Variants in DHRS12 observed in about 807,000 individuals in gnomAD.
DHRS12 encodes dehydrogenase/reductase SDR family member 12.
DHRS12 carries 29 observed loss-of-function variants against 32.1 expected under a neutral mutation model. The observed-to-expected ratio is 0.90, with a 90% CI of 0.67 to 1.23. The LOEUF (loss-of-function observed/expected upper bound fraction) is 1.23, where lower values mean the gene tolerates loss of function less well. DHRS12 is among the 50% of genes most tolerant of loss of function. The pLI is 0.00. For missense variants in DHRS12, 330 were observed against 337.2 expected (o/e 0.98, Z 0.17); for synonymous variants, 150 against 135.9 (o/e 1.10, Z -0.72).
In DHRS12 at chr13:51,792,003, T is replaced by C. The variant is rs1349845763; in HGVS notation, c.127-746A>G. On this transcript the variant is annotated intron_variant, in intron 2 of 8. Transcript: ENST00000444610. The stretch of plus-strand genomic sequence containing the variant: ...TTTTCTTTGTCCATTCTTCTGTCGA[T>C]GGACATTTAAGTTGTTTCCACATCT... 2.6e-5 allele frequency among the ~76,000 whole-genome samples: 4 copies of C among 152,266 alleles called. No homozygotes were observed. In the South Asian group the frequency reaches 6.2e-4, roughly 24 times the overall value.
chr13:51,777,149 G>A, intron 4 of DHRS12, 28 bp from the exon 5 acceptor site: 2 of 1,613,552 alleles, frequency 1.2e-6, no homozygotes, highest in East Asian at 2.2e-5. Flanking sequence ...ATCCCATGAG[G>A]GGGCTGCAGG....
At chr13:51,795,803 C>T (rs111504159) in intron 2 of DHRS12, among the ~76,000 whole-genome samples, 71 of 152,266 alleles carry the variant, frequency 4.7e-4, no homozygotes, top group African/African-American at 1.6e-3. Context: ...CTGCCATTGG[C>T]CAAACCCAGC....
At chr13:51,798,272 G>A (rs546658453) in intron 2 of DHRS12, among the ~76,000 whole-genome samples, 2 of 152,290 alleles carry the variant, frequency 1.3e-5, no homozygotes, top group Admixed American at 1.3e-4. Flanking sequence ...TAAAGATCTA[G>A]GCGATAGGCC....
At chr13:51,754,885 C>T in the DHRS12 span, among the ~76,000 whole-genome samples, 1 of 151,982 alleles carries the variant, frequency 6.6e-6, no homozygotes, top group Non-Finnish European at 1.5e-5. Flanking sequence ...TTTGTTTTTA[C>T]TACATAATTT....
chr13:51,771,636 CTG>C (rs748135203), intron 7 of DHRS12, 183 bp downstream of exon 7: 183 of 1,438,812 alleles, frequency 1.3e-4, no homozygotes, highest in Non-Finnish European at 1.6e-4. Context: ...AGCAAAAGCT[CTG>C]TGTCTGTATG....
the DHRS12 span, among the ~76,000 whole-genome samples, chr13:51,757,823 T>C: frequency 6.0e-5 from 9 of 149,356 alleles, no homozygotes; most frequent in African/African-American, 2.3e-4. Context: ...CACTTAGTAC[T>C]ATCTTGGTCC....
intron 2 of DHRS12, chr13:51,797,727 G>T: frequency 1.6e-6 from 2 of 1,236,580 alleles, no homozygotes; most frequent in South Asian, 1.4e-5. Flanking sequence ...CACAAACACA[G>T]GCCCTCTTCA....
intron 4 of DHRS12, chr13:51,789,787 C>T (rs1955177666): frequency 2.0e-6 from 2 of 985,198 alleles, no homozygotes; most frequent in African/African-American, 3.5e-5. Context: ...GGAAAAAAAA[C>T]ACTTCAATAC....
chr13:51,755,394 T>C, the DHRS12 span: 2 of 1,614,178 alleles, frequency 1.2e-6, no homozygotes, highest in Admixed American at 3.3e-5. Context: ...CTGCCAAAAG[T>C]GTGATCAGCC....
At position 51,785,953 on chromosome 13, in the gene DHRS12, A is replaced by C. The variant is rs572429257; in HGVS notation, c.301+4058T>G. Among the ~76,000 whole-genome samples the C allele has an allele frequency of 1.7e-4, 26 of 152,350 alleles. 1 individual carries two copies. Among genetic ancestry groups the C allele is most frequent in the African/African-American group, 5.8e-4 (24 of 41,586 alleles). On this transcript the variant is annotated intron_variant, in intron 4 of 8. Coordinates refer to ENST00000444610, the MANE Select transcript of DHRS12 (RefSeq NM_001377533.1). ...GTTATGAGACTGAATGAGAGAATCCAAGAAAAGCCTTCAGTGCAGCCTGCA... is the reference window on the plus strand; with the variant it reads ...GTTATGAGACTGAATGAGAGAATCCCAGAAAAGCCTTCAGTGCAGCCTGCA...
Position 51,799,631 on chromosome 13 carries a change from A to G in DHRS12, c.29T>C (p.Leu10Pro). MNLHVKTLS[L>P]MTWRSRFLEE... ...CAGGAATCTGGACCTCCAAGTCATG[A>G]GGGACAAAGTCTTTACATGCAGATT... The change falls in exon 2 of 9, where the codon CTC becomes CCC. Residue 10 changes from leucine to proline, a missense_variant. By Grantham distance (98) the Leu-to-Pro change is moderately conservative. Transcript: ENST00000444610. 6.2e-7 allele frequency: 1 copy of G among 1,614,134 alleles called. No homozygotes were observed. Among genetic ancestry groups the G allele is most frequent in the Non-Finnish European group, 8.5e-7 (1 of 1,180,018 alleles).
intron 7 of DHRS12, 151 bp downstream of exon 7, chr13:51,771,670 C>T: frequency 7.6e-7 from 1 of 1,319,504 alleles, no homozygotes; most frequent in Non-Finnish European, 1.1e-6. Context: ...AGCTGCAGTC[C>T]CAACGCGCCC....
At chr13:51,786,596 C>A (rs1345531703) in intron 4 of DHRS12, among the ~76,000 whole-genome samples, 1 of 152,174 alleles carries the variant, frequency 6.6e-6, no homozygotes, top group Admixed American at 6.5e-5. Context: ...TCTCTCCAGG[C>A]CCCACCCGCC....
At chr13:51,784,269 G>A (rs1027224880) in intron 4 of DHRS12, among the ~76,000 whole-genome samples, 1 of 152,218 alleles carries the variant, frequency 6.6e-6, no homozygotes, top group African/African-American at 2.4e-5. Context: ...GGCACACAGA[G>A]GGGTCCATGG....
intron 5 of DHRS12, chr13:51,774,417 TCC>T (rs1372408889): frequency 2.1e-5 from 3 of 144,704 alleles, no homozygotes; most frequent in African/African-American, 5.2e-5. Flanking sequence ...TACAGTATTC[TCC>T]TACAGTATTC....
rs1322572157 is a variant in DHRS12 at position 51,804,120 on chromosome 13, C to G, written c.-75G>C. 6.7e-7 allele frequency: 1 copy of G among 1,481,988 alleles called. No homozygotes were observed. The highest frequency in any genetic ancestry group is 8.9e-7 in the Non-Finnish European group (1 of 1,121,304). 91.8% of individuals were successfully genotyped at this position (1,481,988 alleles called of 1,614,324 possible). Reference sequence around the variant, plus strand: ...GCGGTACAGGGACATGCCGGGAGCGCCCCACGCCTAGCCCCACCGCGCTCC... The same window carrying G: ...GCGGTACAGGGACATGCCGGGAGCGGCCCACGCCTAGCCCCACCGCGCTCC... On this transcript the variant is annotated 5_prime_UTR_variant, in exon 1 of 9. Coordinates refer to ENST00000444610, the MANE Select transcript of DHRS12 (RefSeq NM_001377533.1).
chr13:51,771,402 T>C (rs541376533), intron 7 of DHRS12: 1 of 1,614,158 alleles, frequency 6.2e-7, no homozygotes, highest in Admixed American at 1.7e-5. Context: ...TGGCTGGCAT[T>C]TACCTTCATG....
At chr13:51,799,246 A>G (rs535705471) in intron 2 of DHRS12, among the ~76,000 whole-genome samples, 5 of 152,182 alleles carry the variant, frequency 3.3e-5, no homozygotes, top group Non-Finnish European at 5.9e-5. Flanking sequence ...GGGGATTCTG[A>G]TGTCCAGGGT....
the DHRS12 span, among the ~76,000 whole-genome samples, chr13:51,759,240 A>G: frequency 6.6e-6 from 1 of 152,348 alleles, no homozygotes; most frequent in East Asian, 1.9e-4. Flanking sequence ...TTTATTTTTG[A>G]AAACGAGGTA....
Sources: gnomAD v4.1 joint callset for allele counts (sites outside exome capture counted in the v4.1 genomes callset) on GRCh38, gnomAD v4.1.1 for gene constraint, MANE v1.5 for transcripts, NCBI Gene and HGNC (gene_info 2026-07-23, HGNC 2026-07-21) for gene names.